SLC25A14: variants seen among roughly 807,000 people sequenced by gnomAD.
SLC25A14 encodes brain mitochondrial carrier protein 1.
SLC25A14 carries 8 observed loss-of-function variants against 28.1 expected under a neutral mutation model. The observed-to-expected ratio is 0.28, with a 90% CI of 0.17 to 0.51. The LOEUF is 0.51. Ranked by LOEUF, SLC25A14 falls within the 20% of genes least tolerant of loss-of-function variation. SLC25A14 has a pLI of 0.97. For missense variants in SLC25A14, 135 were observed against 263.8 expected (o/e 0.51, Z 3.38); for synonymous variants, 74 against 90.6 (o/e 0.82, Z 1.04).
chrX:130,340,610 C>T (rs1467943613), intron 2 of SLC25A14, among the ~76,000 whole-genome samples: 1 of 111,068 alleles, frequency 9.0e-6, no homozygotes, highest in Non-Finnish European at 1.9e-5. Context: ...AGATGCCTAG[C>T]GTTATCATGA....
In SLC25A14 at chrX:130,372,920, A is replaced by C. The variant is rs2034300826; in HGVS notation, c.948A>C (p.Thr316=). ...GACTTACTCCTCAGTTTTTTATTACATACGAGCAGCTAAAGAGGCTTCAAA... is the reference window on the plus strand; with the variant it reads ...GACTTACTCCTCAGTTTTTTATTACCTACGAGCAGCTAAAGAGGCTTCAAA... ...LGPWNIIFFI[T]YEQLKRLQI Residue 316 remains threonine, a synonymous_variant, in exon 11 of 11, where the codon ACA becomes ACC. Transcript: ENST00000545805. 4 of 1,194,146 alleles carry C rather than the reference A, an allele frequency of 3.3e-6. No homozygotes were observed. Among genetic ancestry groups the C allele is most frequent in the Non-Finnish European group, 4.5e-6 (4 of 881,854 alleles).
intron 9 of SLC25A14, among the ~76,000 whole-genome samples, chrX:130,366,946 T>G (rs980555191): frequency 1.8e-5 from 2 of 112,174 alleles, no homozygotes; most frequent in Admixed American, 9.5e-5. Flanking sequence ...GGTTGAAGAC[T>G]ACTAAGGGGA....
intron 7 of SLC25A14, among the ~76,000 whole-genome samples, chrX:130,359,793 T>C (rs762502895): frequency 3.0e-4 from 33 of 111,219 alleles, no homozygotes; most frequent in Non-Finnish European, 5.3e-4. Flanking sequence ...TTGATGGCTG[T>C]TAAAGTTTGA....
chrX:130,360,155 C>T lies in SLC25A14; in HGVS notation c.594+1420C>T, dbSNP rs1313716545. ...CTTCTGGCTTCAAGTGATCCTCTGG[C>T]CTTGGCCTTACAGATGTGAGCCACC... On this transcript the variant is annotated intron_variant, in intron 7 of 10. Coordinates refer to ENST00000545805, the MANE Select transcript of SLC25A14 (RefSeq NM_001282195.2). Among the ~76,000 whole-genome samples the T allele has an allele frequency of 2.8e-5, 3 of 107,366 alleles. No individual in the cohort carries two copies. The East Asian group carries it at 8.7e-4, about 31-fold the overall frequency. 93.2% of individuals were successfully genotyped at this position (107,366 alleles called of 115,157 possible).
intron 2 of SLC25A14, 65 bp downstream of exon 2, chrX:130,340,418 C>T: frequency 8.7e-7 from 1 of 1,149,222 alleles, no homozygotes; most frequent in South Asian, 1.8e-5. Flanking sequence ...CCTTCGGTTT[C>T]TACCCCCTGT....
At chrX:130,353,080 AT>A (rs1450056399) in intron 6 of SLC25A14, among the ~76,000 whole-genome samples, 1 of 111,933 alleles carries the variant, frequency 8.9e-6, no homozygotes, top group Non-Finnish European at 1.9e-5. Context: ...TCTTGAGTTA[AT>A]TTTTGTATAT....
chrX:130,371,147 T>C, intron 9 of SLC25A14, among the ~76,000 whole-genome samples: 1 of 111,627 alleles, frequency 9.0e-6, no homozygotes, highest in Non-Finnish European at 1.9e-5. Flanking sequence ...GCAGATGCTT[T>C]ATTATATATA....
At chrX:130,364,851 ATGGCC>A in intron 8 of SLC25A14, 99 bp downstream of exon 8, 1 of 1,131,054 alleles carries the variant, frequency 8.8e-7, no homozygotes. Context: ...ACTGGTACGT[ATGGCC>A]TAAATTCCCT....
At chrX:130,341,791 A>G (rs1021611965) in intron 2 of SLC25A14, among the ~76,000 whole-genome samples, 3 of 112,325 alleles carry the variant, frequency 2.7e-5, no homozygotes, top group African/African-American at 9.7e-5. Flanking sequence ...ATTTGGGGTT[A>G]GCCCCTACAA....
intron 7 of SLC25A14, chrX:130,359,278 T>C (rs1415118815): frequency 4.4e-6 from 1 of 228,280 alleles, no homozygotes; most frequent in African/African-American, 3.4e-5. Context: ...GTTTGAACCC[T>C]GGAGGTGGAG....
At position 130,358,706 on chromosome X, in the gene SLC25A14, C is replaced by A; in HGVS notation, c.565C>A (p.Gln189Lys). 1 of 1,196,917 alleles carries A rather than the reference C, an allele frequency of 8.4e-7. No individual in the cohort carries two copies. The highest frequency in any genetic ancestry group is 1.1e-6 in the Non-Finnish European group (1 of 882,735). ...SMIGSFIDIYQQEGTRGLWRG... is the reference protein window; with the variant it reads ...SMIGSFIDIYKQEGTRGLWRG... Reference sequence around the variant, plus strand: ...GATTGGAAGCTTTATCGATATATACCAACAAGAAGGCACCAGGGGTCTGTG... The same window carrying A: ...GATTGGAAGCTTTATCGATATATACAAACAAGAAGGCACCAGGGGTCTGTG... The change falls in exon 7 of 11, where the codon CAA (glutamine) becomes AAA (lysine). Residue 189 changes from glutamine (Q) to lysine (K), a missense_variant. By Grantham distance (53) the Gln-to-Lys change is moderately conservative. Coordinates refer to ENST00000545805, the MANE Select transcript of SLC25A14 (RefSeq NM_001282195.2).
intron 2 of SLC25A14, 46 bp from the exon 3 acceptor site, chrX:130,345,136 A>G (rs1697939831): frequency 1.1e-6 from 1 of 870,074 alleles, no homozygotes; most frequent in African/African-American, 2.0e-5. Context: ...ATGCTAACAA[A>G]TGCTCCTCAC....
chrX:130,353,135 G>T (rs1256730958), intron 6 of SLC25A14, among the ~76,000 whole-genome samples: 1 of 111,843 alleles, frequency 8.9e-6, no homozygotes, highest in African/African-American at 3.2e-5. Flanking sequence ...CATATAGCTA[G>T]TCAGCTGTCC....
rs1016279158 is a variant in SLC25A14 at position 130,358,635 on chromosome X, T to C, written c.499-5T>C. 1.3e-5 allele frequency: 15 copies of C among 1,182,233 alleles called. No homozygotes were observed. The highest frequency in any genetic ancestry group is 1.7e-5 in the Non-Finnish European group (15 of 870,849). On this transcript the variant is annotated splice_polypyrimidine_tract_variant and splice_region_variant and intron_variant, in intron 6 of 10. Transcript: ENST00000545805. The stretch of plus-strand genomic sequence containing the variant: ...AAATAAGATGTTCACCTCTTTTCAT[T>C]TTAGATTCGAATGCAGGCTCAAGGA...
rs1569455818 is a variant in SLC25A14, at chrX:130,365,528, C to G, written c.720-13C>G. On this transcript the variant is annotated splice_polypyrimidine_tract_variant and intron_variant, in intron 8 of 10. Coordinates refer to ENST00000545805, the MANE Select transcript of SLC25A14 (RefSeq NM_001282195.2). ...TGAAAGTGGGGTCGATCTACTTAAACTTTTCCTCTTAGTTCCAGCTTTACA... is the reference window on the plus strand; with the variant it reads ...TGAAAGTGGGGTCGATCTACTTAAAGTTTTCCTCTTAGTTCCAGCTTTACA... The G allele has an allele frequency of 8.3e-7, 1 of 1,210,463 alleles. No homozygotes were observed. Among genetic ancestry groups the G allele is most frequent in the Non-Finnish European group, 1.1e-6 (1 of 894,951 alleles).
At chrX:130,342,681 T>C (rs1397310950) in intron 2 of SLC25A14, among the ~76,000 whole-genome samples, 1 of 110,056 alleles carries the variant, frequency 9.1e-6, no homozygotes, top group African/African-American at 3.3e-5. Flanking sequence ...CAGATGGGGG[T>C]AGGGAAGTCG....
At chrX:130,350,587 A>G (rs1337580494) in intron 5 of SLC25A14, 59 bp from the exon 6 acceptor site, 8 of 646,947 alleles carry the variant, frequency 1.2e-5, no homozygotes, top group Non-Finnish European at 1.7e-5. Context: ...GGTCAGTAGT[A>G]TGTACTCAAA....
chrX:130,370,180 T>C (rs59033400), intron 9 of SLC25A14, among the ~76,000 whole-genome samples: 16,754 of 111,552 alleles, frequency 0.15, 1,181 homozygotes, highest in African/African-American at 0.27. Context: ...ATTACCACTA[T>C]ATCTTCATAA....
intron 3 of SLC25A14, 29 bp from the exon 4 acceptor site, chrX:130,346,515 T>C: frequency 8.7e-7 from 1 of 1,155,108 alleles, no homozygotes; most frequent in Non-Finnish European, 1.2e-6. Flanking sequence ...TCTTTGGACA[T>C]ACTTATAAAT....
Sources: gnomAD v4.1 joint callset for allele counts (sites outside exome capture counted in the v4.1 genomes callset) on GRCh38, gnomAD v4.1.1 for gene constraint, MANE v1.5 for transcripts, NCBI Gene and HGNC (gene_info 2026-07-23, HGNC 2026-07-21) for gene names.